Variants in PALLD observed in about 807,000 individuals in gnomAD.
PALLD encodes the protein palladin.
PALLD carries 61 observed loss-of-function variants against 123.5 expected under a neutral mutation model. That is an observed-to-expected ratio of 0.49 (90% confidence interval 0.40 to 0.61). The LOEUF is 0.61. PALLD is among the 20% of genes least tolerant of loss of function. PALLD has a pLI of 0.00. For synonymous variants in PALLD, 465 were observed against 496.4 expected, an observed-to-expected ratio of 0.94 and a Z score of 0.84; for missense variants, 1,273 against 1,377.0, an observed-to-expected ratio of 0.92 and a Z score of 1.20.
At position 168,926,545 on chromosome 4, in the gene PALLD, A is replaced by C. The variant is rs1267502406; in HGVS notation, c.*365A>C. On this transcript the variant is annotated 3_prime_UTR_variant, in exon 22 of 22. Coordinates refer to ENST00000505667, the MANE Select transcript of PALLD (RefSeq NM_001166108.2). ...TTTTCTTACTTGATATACCAAACTT[A>C]GTTTAAGTAGATAATGCTAATACAA... 2 of 575,354 alleles carry C rather than the reference A, an allele frequency of 3.5e-6. No individual in the cohort carries two copies. Among genetic ancestry groups the C allele is most frequent in the Non-Finnish European group, 6.0e-6 (2 of 330,992 alleles). The allele number at this position is 575,354 out of a possible 1,614,324, so 35.6% of individuals were successfully genotyped here.
At position 168,511,315 on chromosome 4, in the gene PALLD, CTT is replaced by C. The variant is rs59029193; in HGVS notation, c.-82-107_-82-106del. ...CTTCCAACTTGTAAAATAAAGAAAA[CTT>C]ATATTCATTCACTTTAATGTTTCTC... On this transcript the variant is annotated intron_variant, in intron 1 of 21. Coordinates refer to ENST00000505667, the MANE Select transcript of PALLD (RefSeq NM_001166108.2). The C allele has an allele frequency of 0.3, 175,763 of 587,168 alleles. 27,086 individuals carry two copies. The highest frequency in any genetic ancestry group is 0.33 in the Non-Finnish European group (108,078 of 330,954). The allele number at this position is 587,168 out of a possible 1,614,324, so 36.4% of individuals were successfully genotyped here. A position where few individuals can be genotyped will look rare whatever the true frequency, so the allele number is the denominator to read the frequency against.
At chr4:168,501,796 AGG>A (rs2149394682) in intron 1 of PALLD, among the ~76,000 whole-genome samples, 1 of 152,304 alleles carries the variant, frequency 6.6e-6, no homozygotes, top group African/African-American at 2.4e-5. Context: ...CTCCCCGCCA[AGG>A]GTGTGCCCCC....
At chr4:168,881,360 C>T (rs1752581623) in intron 10 of PALLD, among the ~76,000 whole-genome samples, 1 of 151,878 alleles carries the variant, frequency 6.6e-6, no homozygotes, top group African/African-American at 2.4e-5. Context: ...GTTTGGGTAG[C>T]AGAGGTCAAA....
Position 168,711,574 on chromosome 4 carries a change from TC to T in PALLD, c.1622-5del, listed in dbSNP as rs1227874567. 3 of 1,606,274 alleles carry T rather than the reference TC, an allele frequency of 1.9e-6. No individual in the cohort carries two copies. In the South Asian group the frequency reaches 3.3e-5, roughly 18 times the overall value. Reference sequence around the variant, plus strand: ...CTTATGTTTTTCCTCTCTTTCCCCTTCCTTAGCCAACACTGAAAACTGTAGT... The same window carrying T: ...CTTATGTTTTTCCTCTCTTTCCCCTTCTTAGCCAACACTGAAAACTGTAGT... On this transcript the variant is annotated splice_region_variant and splice_polypyrimidine_tract_variant and intron_variant, in intron 9 of 21. Coordinates refer to ENST00000505667, the MANE Select transcript of PALLD (RefSeq NM_001166108.2).
At chr4:168,729,859 G>A (rs887354655) in intron 10 of PALLD, among the ~76,000 whole-genome samples, 1 of 152,108 alleles carries the variant, frequency 6.6e-6, no homozygotes, top group African/African-American at 2.4e-5. Flanking sequence ...AAGAGTATGG[G>A]TTTTTCCTAA....
intron 10 of PALLD, among the ~76,000 whole-genome samples, chr4:168,712,729 T>G (rs1490346689): frequency 6.6e-6 from 1 of 152,144 alleles, no homozygotes; most frequent in Non-Finnish European, 1.5e-5. Context: ...GTGTATGTAT[T>G]CTATGAGGTC....
At chr4:168,513,808 A>T (rs1216611772) in intron 2 of PALLD, among the ~76,000 whole-genome samples, 1 of 152,180 alleles carries the variant, frequency 6.6e-6, no homozygotes, top group African/African-American at 2.4e-5. Context: ...TAAATATTTA[A>T]AAAGTTAACT....
At chr4:168,616,018 G>T (rs1482477493) in intron 2 of PALLD, among the ~76,000 whole-genome samples, 1 of 151,988 alleles carries the variant, frequency 6.6e-6, no homozygotes, top group East Asian at 1.9e-4. Flanking sequence ...GCCATCCTTG[G>T]GTTTTGATGA....
At chr4:168,608,889 T>G (rs1773457241) in intron 2 of PALLD, among the ~76,000 whole-genome samples, 1 of 150,716 alleles carries the variant, frequency 6.6e-6, no homozygotes, top group Non-Finnish European at 1.5e-5. Context: ...TTTGTCTCAC[T>G]GGAATCATTG....
rs555602133 is a variant in PALLD, at chr4:168,600,073, A to G, written c.909-68117A>G. 8.8e-3 allele frequency among the ~76,000 whole-genome samples: 941 copies of G among 106,418 alleles called. 13 individuals carry two copies. Among genetic ancestry groups the G allele is most frequent in the African/African-American group, 0.037 (884 of 24,010 alleles). The allele number at this position is 106,418 out of a possible 152,430, so 69.8% of individuals were successfully genotyped here. ...CACACATATATACATACATGTGTAT[A>G]CACACACATATATACATGCATGTGT... On this transcript the variant is annotated intron_variant, in intron 2 of 21. Coordinates refer to ENST00000505667, the MANE Select transcript of PALLD (RefSeq NM_001166108.2).
intron 4 of PALLD, 112 bp downstream of exon 4, chr4:168,681,510 T>C (rs1781541719): frequency 1.4e-6 from 1 of 693,350 alleles, no homozygotes; most frequent in Admixed American, 1.9e-5. Context: ...CTGATGTTAA[T>C]CAGAGATCAA....
At chr4:168,613,523 T>C (rs1773934138) in intron 2 of PALLD, among the ~76,000 whole-genome samples, 1 of 152,204 alleles carries the variant, frequency 6.6e-6, no homozygotes, top group Non-Finnish European at 1.5e-5. Context: ...CATCCTGTAT[T>C]CCAGATAACA....
Position 168,705,266 on chromosome 4 carries a change from A to G in PALLD, c.1502-3762A>G, listed in dbSNP as rs368088177. ...GTAAAAGATGTGTCTCAACCCCTTGATAAGATTACAGGAAACTCAAAGGCA... is the reference window on the plus strand; with the variant it reads ...GTAAAAGATGTGTCTCAACCCCTTGGTAAGATTACAGGAAACTCAAAGGCA... On this transcript the variant is annotated intron_variant, in intron 8 of 21. Coordinates refer to ENST00000505667, the MANE Select transcript of PALLD (RefSeq NM_001166108.2). Among the ~76,000 whole-genome samples, 45 of 152,336 alleles carry G rather than the reference A, an allele frequency of 3.0e-4. No homozygotes were observed. The East Asian group carries it at 3.5e-3, about 12-fold the overall frequency.
intron 2 of PALLD, among the ~76,000 whole-genome samples, chr4:168,599,858 C>G (rs1036862821): frequency 3.3e-5 from 5 of 152,092 alleles, no homozygotes; most frequent in Admixed American, 2.0e-4. Flanking sequence ...AGTTGTATTT[C>G]AATTTGAAAA....
chr4:168,702,327 G>A (rs990328550), intron 8 of PALLD, among the ~76,000 whole-genome samples: 1 of 152,064 alleles, frequency 6.6e-6, no homozygotes, highest in African/African-American at 2.4e-5. Context: ...GAGGCGGGTG[G>A]ATCACCTGAG....
chr4:168,539,580 TAAA>T, intron 2 of PALLD, among the ~76,000 whole-genome samples: 1 of 23,010 alleles, frequency 4.3e-5, no homozygotes, highest in Non-Finnish European at 1.1e-4. Flanking sequence ...AATAAATAAA[TAAA>T]TAAATAAATA....
intron 10 of PALLD, among the ~76,000 whole-genome samples, chr4:168,887,058 A>G (rs1753440033): frequency 7.0e-6 from 1 of 141,940 alleles, no homozygotes; most frequent in Non-Finnish European, 1.5e-5. Context: ...CAGAGGTTGC[A>G]GTGAGCCGAG....
At chr4:168,915,283 A>T (rs1582146182) in intron 16 of PALLD, among the ~76,000 whole-genome samples, 1 of 152,142 alleles carries the variant, frequency 6.6e-6, no homozygotes, top group African/African-American at 2.4e-5. Context: ...ATTACTTTCA[A>T]CTGTATTCCT....
At chr4:168,524,640 G>A (rs1658469087) in intron 2 of PALLD, among the ~76,000 whole-genome samples, 1 of 152,150 alleles carries the variant, frequency 6.6e-6, no homozygotes, top group South Asian at 2.1e-4. Context: ...CCCTTCTCAA[G>A]ATCTGTCTCA....
Sources: allele counts gnomAD v4.1 joint callset (sites outside exome capture counted in the v4.1 genomes callset), GRCh38; gene constraint gnomAD v4.1.1; transcripts MANE v1.5; gene names NCBI Gene and HGNC (gene_info 2026-07-23, HGNC 2026-07-21).